Variants in RXRA observed in about 807,000 individuals in gnomAD.
The protein encoded by RXRA is retinoid X receptor alpha, also known as retinoic acid receptor RXR-alpha.
Under a neutral mutation model 44.5 loss-of-function variants are expected in RXRA, and 5 were observed. The observed-to-expected ratio is 0.11, with a 90% confidence interval of 0.06 to 0.24. The LOEUF is 0.24. RXRA is among the 10% of genes least tolerant of loss of function. The pLI is 1.00. For synonymous variants in RXRA, 291 were observed against 271.4 expected, an observed-to-expected ratio of 1.07 and a Z score of -0.71; for missense variants, 412 against 646.5, an observed-to-expected ratio of 0.64 and a Z score of 3.93.
chr9:134,374,621 C>G (rs1424585767), intron 1 of RXRA, among the ~76,000 whole-genome samples: 2 of 152,246 alleles, frequency 1.3e-5, no homozygotes, highest in Non-Finnish European at 2.9e-5. Flanking sequence ...AAATGCCGTT[C>G]CCTCTGTCTA....
chr9:134,421,928 C>A (rs771628575), intron 6 of RXRA, 123 bp downstream of exon 6: 6 of 1,527,876 alleles, frequency 3.9e-6, no homozygotes, highest in Non-Finnish European at 4.4e-6. Context: ...ACACTCCCCC[C>A]TCCCAGGACC....
intron 1 of RXRA, among the ~76,000 whole-genome samples, chr9:134,341,474 C>T (rs1269874920): frequency 1.3e-5 from 2 of 152,168 alleles, no homozygotes; most frequent in Admixed American, 6.5e-5. Flanking sequence ...ACAACCAGGC[C>T]TGGCTGGAGC....
intron 9 of RXRA, among the ~76,000 whole-genome samples, chr9:134,435,381 C>T (rs1240293252): frequency 6.7e-6 from 1 of 148,186 alleles, no homozygotes; most frequent in African/African-American, 2.5e-5. Flanking sequence ...CCCCAGACTT[C>T]CCCCCTCCCT....
chr9:134,352,036 G>T (rs1335508816), intron 1 of RXRA, among the ~76,000 whole-genome samples: 2 of 152,232 alleles, frequency 1.3e-5, no homozygotes, highest in Non-Finnish European at 2.9e-5. Context: ...TGGAGCCAGA[G>T]GGCGGCTCGG....
At chr9:134,379,908 G>A (rs1182926767) in intron 1 of RXRA, 1 of 985,222 alleles carries the variant, frequency 1.0e-6, no homozygotes, top group Non-Finnish European at 1.2e-6. Flanking sequence ...GAGCCTGGAG[G>A]CCTGCTGGTC....
At chr9:134,338,240 T>A (rs782702521) in intron 1 of RXRA, among the ~76,000 whole-genome samples, 2 of 152,198 alleles carry the variant, frequency 1.3e-5, no homozygotes, top group Admixed American at 6.5e-5. Flanking sequence ...CGGGCAGGTG[T>A]GTGGGGCACG....
intron 1 of RXRA, among the ~76,000 whole-genome samples, chr9:134,370,594 C>A (rs1830479476): frequency 6.6e-6 from 1 of 152,194 alleles, no homozygotes; most frequent in African/African-American, 2.4e-5. Flanking sequence ...CATGCCAGGG[C>A]CTTTCAGGGT....
rs113942482 is a variant in RXRA, at chr9:134,364,005, C to T, written c.28+37346C>T. On this transcript the variant is annotated intron_variant, in intron 1 of 9. Coordinates refer to ENST00000481739, the MANE Select transcript of RXRA (RefSeq NM_002957.6). ...ACTGGGTCCGTGCCGGGCTTCTCCT[C>T]TCCCAGTTGCCCCTCCTTCAGCCCA... 9.3e-3 allele frequency among the ~76,000 whole-genome samples: 1,414 copies of T among 152,334 alleles called. 13 individuals are homozygous for T. Among genetic ancestry groups the T allele is most frequent in the African/African-American group, 0.029 (1,185 of 41,566 alleles).
intron 6 of RXRA, 31 bp downstream of exon 6, chr9:134,421,836 A>T (rs1387703289): frequency 3.7e-6 from 6 of 1,610,678 alleles, no homozygotes; most frequent in Non-Finnish European, 5.1e-6. Context: ...GGGGATGGGG[A>T]TGCCATGCAG....
At chr9:134,347,900 C>T (rs895418760) in intron 1 of RXRA, among the ~76,000 whole-genome samples, 5 of 152,046 alleles carry the variant, frequency 3.3e-5, no homozygotes, top group African/African-American at 9.7e-5. Flanking sequence ...CTTCAGAGGC[C>T]GTGAGTGCTG....
At chr9:134,329,827 G>C (rs574464610) in intron 1 of RXRA, among the ~76,000 whole-genome samples, 14 of 152,228 alleles carry the variant, frequency 9.2e-5, no homozygotes, top group African/African-American at 3.4e-4. Context: ...AGTGGTCTTT[G>C]TTTCCTCCCC....
intron 1 of RXRA, among the ~76,000 whole-genome samples, chr9:134,383,826 C>A (rs1830680767): frequency 1.3e-5 from 2 of 152,154 alleles, no homozygotes; most frequent in South Asian, 4.1e-4. Context: ...ATGAGCTTAT[C>A]CAGGTGTGGT....
At chr9:134,364,070 T>G (rs960188058) in intron 1 of RXRA, among the ~76,000 whole-genome samples, 1 of 152,096 alleles carries the variant, frequency 6.6e-6, no homozygotes, top group Non-Finnish European at 1.5e-5. Context: ...ACCAGGTTTC[T>G]CCTCTCCCAG....
intron 1 of RXRA, among the ~76,000 whole-genome samples, chr9:134,339,114 G>T (rs1042008248): frequency 4.2e-4 from 64 of 152,316 alleles, no homozygotes; most frequent in Non-Finnish European, 5.3e-4. Flanking sequence ...ACCCCCCCTG[G>T]GGTTGGCCCC....
chr9:134,410,210 TG>T, intron 4 of RXRA, among the ~76,000 whole-genome samples: 1 of 152,170 alleles, frequency 6.6e-6, no homozygotes, highest in Non-Finnish European at 1.5e-5. Flanking sequence ...TGGGCTGGTG[TG>T]AGGTCCTTGT....
At chr9:134,383,852 C>T (rs1830681134) in intron 1 of RXRA, among the ~76,000 whole-genome samples, 1 of 152,232 alleles carries the variant, frequency 6.6e-6, no homozygotes. Context: ...GCCCTGAACC[C>T]GATGTGCAGG....
At chr9:134,425,971 C>T in intron 6 of RXRA, 1 of 985,406 alleles carries the variant, frequency 1.0e-6, no homozygotes, top group Non-Finnish European at 1.2e-6. Flanking sequence ...CCCAGCTTCC[C>T]CACCTGACCC....
chr9:134,390,534 T>C (rs1394179304), intron 1 of RXRA, among the ~76,000 whole-genome samples: 1 of 152,136 alleles, frequency 6.6e-6, no homozygotes, highest in Non-Finnish European at 1.5e-5. Flanking sequence ...TTTGTCTCGC[T>C]CAGAGTGGTG....
chr9:134,333,847 C>T (rs1184174991), intron 1 of RXRA, among the ~76,000 whole-genome samples: 1 of 152,160 alleles, frequency 6.6e-6, no homozygotes, highest in African/African-American at 2.4e-5. Context: ...CGGGCGCTCT[C>T]GGGCCTGGGC....
Sources: allele counts gnomAD v4.1 joint callset (sites outside exome capture counted in the v4.1 genomes callset), GRCh38; gene constraint gnomAD v4.1.1; transcripts MANE v1.5; gene names NCBI Gene and HGNC (gene_info 2026-07-23, HGNC 2026-07-21).